CNTN5: variants seen among roughly 807,000 people sequenced by gnomAD.
The protein encoded by CNTN5 is contactin-5.
Under a neutral mutation model 129.1 loss-of-function variants are expected in CNTN5, and 77 were observed. The ratio of observed to expected loss-of-function variants is 0.60; its 90% CI spans 0.50 to 0.72. The LOEUF (loss-of-function observed/expected upper bound fraction) is 0.72. CNTN5 is among the 30% of genes least tolerant of loss of function. The probability of loss-of-function intolerance (pLI) is 0.00; values close to 1 mark genes in which losing one functional copy is unlikely to be tolerated. For missense variants in CNTN5, 1,478 were observed against 1,328.8 expected, an observed-to-expected ratio of 1.11 and a Z score of -1.75; for synonymous variants, 509 against 465.6, an observed-to-expected ratio of 1.09 and a Z score of -1.20.
chr11:100,289,087 T>C (rs1370096017), intron 18 of CNTN5, among the ~76,000 whole-genome samples: 1 of 152,012 alleles, frequency 6.6e-6, no homozygotes, highest in Non-Finnish European at 1.5e-5. Context: ...AACAGACCAA[T>C]AACAGGATCT....
chr11:100,043,569 A>G (rs1942487763), intron 9 of CNTN5, among the ~76,000 whole-genome samples: 1 of 152,172 alleles, frequency 6.6e-6, no homozygotes, highest in Admixed American at 6.5e-5. Flanking sequence ...TCTTATGCCC[A>G]TCCTGCATGC....
chr11:99,423,237 G>A (rs1406315834), intron 2 of CNTN5, among the ~76,000 whole-genome samples: 1 of 152,122 alleles, frequency 6.6e-6, no homozygotes, highest in African/African-American at 2.4e-5. Context: ...TGTTAGCTAT[G>A]GTCTTTACTC....
intron 13 of CNTN5, among the ~76,000 whole-genome samples, chr11:100,170,693 C>G (rs562790286): frequency 2.0e-5 from 3 of 151,908 alleles, no homozygotes; most frequent in Admixed American, 2.0e-4. Context: ...AAGGACAGTT[C>G]CATGCTGTCT....
intron 3 of CNTN5, among the ~76,000 whole-genome samples, chr11:99,684,279 G>C (rs1565424408): frequency 6.6e-6 from 1 of 151,750 alleles, no homozygotes; most frequent in Non-Finnish European, 1.5e-5. Context: ...TAGGTATTCA[G>C]TGATTTTCAC....
At chr11:99,733,191 G>A (rs370506878) in intron 3 of CNTN5, among the ~76,000 whole-genome samples, 10 of 151,952 alleles carry the variant, frequency 6.6e-5, no homozygotes, top group Admixed American at 1.3e-4. Context: ...AGCATGGTGA[G>A]GGGTGCCTGT....
At chr11:99,883,168 C>T (rs1591361176) in intron 6 of CNTN5, among the ~76,000 whole-genome samples, 1 of 152,168 alleles carries the variant, frequency 6.6e-6, no homozygotes, top group African/African-American at 2.4e-5. Flanking sequence ...CCAAACAGTG[C>T]TGCAACAAAC....
intron 3 of CNTN5, among the ~76,000 whole-genome samples, chr11:99,639,668 G>A (rs1184020605): frequency 7.1e-6 from 1 of 140,686 alleles, no homozygotes; most frequent in Non-Finnish European, 1.5e-5. Flanking sequence ...GGGTTCAAGC[G>A]ATTCCCCTGC....
At chr11:99,397,112 C>T (rs924686347) in intron 2 of CNTN5, among the ~76,000 whole-genome samples, 9 of 151,726 alleles carry the variant, frequency 5.9e-5, no homozygotes, top group Non-Finnish European at 1.0e-4. Context: ...ACGGTTCCTC[C>T]ATCTTTTCTA....
chr11:99,591,548 C>T (rs747845843), intron 3 of CNTN5, among the ~76,000 whole-genome samples: 21 of 151,980 alleles, frequency 1.4e-4, no homozygotes, highest in Non-Finnish European at 2.1e-4. Context: ...CCATGTTAGT[C>T]AGGATGGTCT....
chr11:99,036,557 A>T (rs1863744727), intron 1 of CNTN5, among the ~76,000 whole-genome samples: 1 of 152,310 alleles, frequency 6.6e-6, no homozygotes, highest in Non-Finnish European at 1.5e-5. Context: ...TGAAATTAAA[A>T]TTCTTAGTTA....
chr11:99,759,623 C>G (rs1944513297), intron 3 of CNTN5, among the ~76,000 whole-genome samples: 1 of 147,154 alleles, frequency 6.8e-6, no homozygotes, highest in Non-Finnish European at 1.5e-5. Flanking sequence ...AACCCCAGAT[C>G]TAGGGTCAGA....
At chr11:99,452,021 T>G (rs1417606127) in intron 2 of CNTN5, among the ~76,000 whole-genome samples, 2 of 152,124 alleles carry the variant, frequency 1.3e-5, no homozygotes, top group East Asian at 3.9e-4. Context: ...CACAGTAAAG[T>G]TCTAATATAA....
intron 3 of CNTN5, among the ~76,000 whole-genome samples, chr11:99,685,745 T>A (rs1454506397): frequency 6.6e-6 from 1 of 152,000 alleles, no homozygotes; most frequent in East Asian, 1.9e-4. Context: ...GTGTGTTGTT[T>A]TCATTTTCAA....
At chr11:100,316,411 G>A (rs544237614) in intron 21 of CNTN5, among the ~76,000 whole-genome samples, 1 of 152,244 alleles carries the variant, frequency 6.6e-6, no homozygotes, top group South Asian at 2.1e-4. Context: ...TTTATGGGAA[G>A]TTGAAGTAAA....
intron 2 of CNTN5, among the ~76,000 whole-genome samples, chr11:99,503,416 G>A (rs1343505167): frequency 6.6e-6 from 1 of 152,194 alleles, no homozygotes; most frequent in African/African-American, 2.4e-5. Flanking sequence ...TAAAAGATAT[G>A]CTAGATTCTC....
rs541032430 is a variant in CNTN5, at chr11:99,523,597, G to GATAGA, written c.-70-32496_-70-32492dup. Among the ~76,000 whole-genome samples, 660 of 127,428 alleles carry GATAGA rather than the reference G, an allele frequency of 5.2e-3. 10 individuals carry two copies. The highest frequency in any genetic ancestry group is 0.011 in the Admixed American group (133 of 11,754). The allele number at this position is 127,428 out of a possible 152,430, so 83.6% of individuals were successfully genotyped here. ...AGAGGGAGACCCCATCTCAAAGAAA[G>GATAGA]ATAGAATAGAATAGAATAGAATAGA... On this transcript the variant is annotated intron_variant, in intron 2 of 24. Coordinates refer to ENST00000524871, the MANE Select transcript of CNTN5 (RefSeq NM_014361.4).
At chr11:100,016,683 A>C (rs1940838195) in intron 9 of CNTN5, among the ~76,000 whole-genome samples, 1 of 151,918 alleles carries the variant, frequency 6.6e-6, no homozygotes, top group Non-Finnish European at 1.5e-5. Flanking sequence ...GATTTAATAT[A>C]TTTCTTGCAT....
intron 13 of CNTN5, among the ~76,000 whole-genome samples, chr11:100,117,220 G>A (rs919141421): frequency 6.6e-6 from 1 of 151,898 alleles, no homozygotes. Context: ...TCACTCAAAA[G>A]CATTTTTTGA....
At chr11:99,398,984 T>A (rs182698477) in intron 2 of CNTN5, among the ~76,000 whole-genome samples, 53 of 152,028 alleles carry the variant, frequency 3.5e-4, no homozygotes, top group African/African-American at 1.2e-3. Context: ...ATACTCTTCA[T>A]GTCCTCTCCA....
Sources: allele counts gnomAD v4.1 joint callset (sites outside exome capture counted in the v4.1 genomes callset), GRCh38; gene constraint gnomAD v4.1.1; transcripts MANE v1.5; gene names NCBI Gene and HGNC (gene_info 2026-07-23, HGNC 2026-07-21).